The following RAB31 variants were observed in gnomAD, a reference collection of about 807,000 sequenced individuals.
RAB31 encodes the protein ras-related protein Rab-31.
Under a neutral mutation model 25.6 loss-of-function variants are expected in RAB31, and 21 were observed. That is an observed-to-expected ratio of 0.82 (90% confidence interval 0.58 to 1.18). The LOEUF (loss-of-function observed/expected upper bound fraction) is 1.18. RAB31 is among the 50% of genes most tolerant of loss of function. The pLI, the probability that RAB31 is intolerant of heterozygous loss-of-function variation, is 0.00. For synonymous variants in RAB31, 87 were observed against 84.0 expected (o/e 1.04, Z -0.20); for missense variants, 196 against 250.1 (o/e 0.78, Z 1.46).
At chr18:9,852,793 A>G (rs1055080269) in intron 6 of RAB31, among the ~76,000 whole-genome samples, 18 of 152,194 alleles carry the variant, frequency 1.2e-4, no homozygotes, top group African/African-American at 3.6e-4. Context: ...TTAACTTTCT[A>G]AGATTAGAAT....
chr18:9,841,515 G>A (rs2068733766), intron 5 of RAB31, among the ~76,000 whole-genome samples: 1 of 143,948 alleles, frequency 6.9e-6, no homozygotes, highest in African/African-American at 2.6e-5. Flanking sequence ...CTCCAGCCTG[G>A]GCGATAGAGT....
Position 9,708,384 on chromosome 18 carries a change from G to C in RAB31, c.-22G>C, listed in dbSNP as rs1373200015. On this transcript the variant is annotated 5_prime_UTR_variant, in exon 1 of 7. Coordinates refer to ENST00000578921, the MANE Select transcript of RAB31 (RefSeq NM_006868.4). The surrounding 1 kb of genome is among the most constrained non-coding windows in gnomAD (Gnocchi z 6.4). ...GCCCCGGAGGATGCTGCTGAGCCCCGGCACTGCCTGGCTGCGAGCACATGA... is the reference window on the plus strand; with the variant it reads ...GCCCCGGAGGATGCTGCTGAGCCCCCGCACTGCCTGGCTGCGAGCACATGA... 2 of 1,543,762 alleles carry C rather than the reference G, an allele frequency of 1.3e-6. No individual in the cohort carries two copies. Among genetic ancestry groups the C allele is most frequent in the East Asian group, 5.4e-5 (2 of 37,212 alleles).
intron 5 of RAB31, among the ~76,000 whole-genome samples, chr18:9,816,358 T>A (rs537507160): frequency 4.7e-4 from 72 of 152,358 alleles, no homozygotes; most frequent in African/African-American, 1.6e-3. Flanking sequence ...CACAGTTACA[T>A]CCCTGACTCT....
At chr18:9,748,965 G>A (rs2068220319) in intron 1 of RAB31, among the ~76,000 whole-genome samples, 1 of 152,144 alleles carries the variant, frequency 6.6e-6, no homozygotes, top group South Asian at 2.1e-4. Flanking sequence ...GAAAGGTACA[G>A]ACTGGAAAGT....
At chr18:9,753,715 G>A (rs1328615838) in intron 1 of RAB31, among the ~76,000 whole-genome samples, 1 of 152,156 alleles carries the variant, frequency 6.6e-6, no homozygotes, top group African/African-American at 2.4e-5. Context: ...ATGAAGGCAT[G>A]GGAATTGGCT....
chr18:9,844,912 G>A (rs1030518908), intron 5 of RAB31: 6 of 152,288 alleles, frequency 3.9e-5, no homozygotes, highest in Admixed American at 3.3e-4. Flanking sequence ...CACCCAGGCT[G>A]GAGTGCAGTG....
chr18:9,813,322 T>C (rs1180640126), intron 3 of RAB31, among the ~76,000 whole-genome samples: 1 of 152,204 alleles, frequency 6.6e-6, no homozygotes, highest in Non-Finnish European at 1.5e-5. Flanking sequence ...TTTGCCAGTG[T>C]TCCCTTTCCC....
chr18:9,794,845 A>G (rs530017850), intron 3 of RAB31, among the ~76,000 whole-genome samples: 30 of 152,062 alleles, frequency 2.0e-4, no homozygotes, highest in African/African-American at 7.2e-4. Flanking sequence ...AACAAAAAAC[A>G]AAAAAAGCAA....
chr18:9,825,651 G>C (rs2068646244), intron 5 of RAB31, among the ~76,000 whole-genome samples: 1 of 152,154 alleles, frequency 6.6e-6, no homozygotes, highest in African/African-American at 2.4e-5. Context: ...TCGTCAGTAG[G>C]AGTTTATGGT....
At chr18:9,758,772 C>T (rs1277667373) in intron 1 of RAB31, among the ~76,000 whole-genome samples, 5 of 152,024 alleles carry the variant, frequency 3.3e-5, no homozygotes, top group Non-Finnish European at 5.9e-5. Context: ...CAGCTGTGTG[C>T]GAGTGTGGCA....
intron 2 of RAB31, chr18:9,785,171 A>C (rs1395191914): frequency 2.6e-5 from 4 of 154,168 alleles, no homozygotes; most frequent in African/African-American, 4.8e-5. Context: ...ATGAGTGGGA[A>C]TGCTTGGACC....
intron 5 of RAB31, among the ~76,000 whole-genome samples, chr18:9,820,897 C>T (rs2068621802): frequency 6.6e-6 from 1 of 151,580 alleles, no homozygotes; most frequent in African/African-American, 2.4e-5. Context: ...TTTATTTATC[C>T]TCTAATTGTT....
Position 9,804,510 on chromosome 18 carries a change from A to G in RAB31, c.202-9510A>G, listed in dbSNP as rs1348469837. 5.3e-5 allele frequency among the ~76,000 whole-genome samples: 8 copies of G among 152,082 alleles called. No individual in the cohort carries two copies. The East Asian group carries it at 1.5e-3, about 29-fold the overall frequency. On this transcript the variant is annotated intron_variant, in intron 3 of 6. Transcript: ENST00000578921. ...GAGGTGGATTTGCCGAGAATCTAAG[A>G]AGCACTTCAACTAGTTTTGTTTCCT...
chr18:9,850,742 T>G (rs1440016980), intron 6 of RAB31, among the ~76,000 whole-genome samples: 1 of 152,156 alleles, frequency 6.6e-6, no homozygotes, highest in Non-Finnish European at 1.5e-5. Flanking sequence ...GGTGTGCACC[T>G]GTAGTCCCAG....
Position 9,727,888 on chromosome 18 carries a change from T to C in RAB31, c.39+19444T>C, listed in dbSNP as rs149608765. ...AAATGATTACCACAGTTAAGCTAAT[T>C]AACACATTCATTATCTCACATAGTT... On this transcript the variant is annotated intron_variant, in intron 1 of 6. Coordinates refer to ENST00000578921, the MANE Select transcript of RAB31 (RefSeq NM_006868.4). Among the ~76,000 whole-genome samples the C allele has an allele frequency of 1.4e-3, 217 of 152,340 alleles. 2 individuals are homozygous for C. Among genetic ancestry groups the C allele is most frequent in the African/African-American group, 5.0e-3 (209 of 41,580 alleles).
intron 3 of RAB31, among the ~76,000 whole-genome samples, chr18:9,800,784 C>T (rs2068510170): frequency 6.6e-6 from 1 of 152,054 alleles, no homozygotes; most frequent in Non-Finnish European, 1.5e-5. Flanking sequence ...TGACCAGCCC[C>T]CCTTTTTTTT....
chr18:9,753,995 C>G (rs16955541), intron 1 of RAB31, among the ~76,000 whole-genome samples: 70,903 of 151,902 alleles, frequency 0.47, 16,654 homozygotes, highest in South Asian at 0.52. Context: ...GAAAAACTAT[C>G]CGGTGCCAAG....
intron 2 of RAB31, 93 bp downstream of exon 2, chr18:9,775,450 A>G: frequency 6.4e-7 from 1 of 1,562,900 alleles, no homozygotes; most frequent in Non-Finnish European, 8.7e-7. Flanking sequence ...AGGCAGGGCC[A>G]CAGTTTTCAT....
intron 1 of RAB31, among the ~76,000 whole-genome samples, chr18:9,716,993 T>C (rs1396883735): frequency 1.3e-5 from 2 of 150,450 alleles, no homozygotes; most frequent in Non-Finnish European, 3.0e-5. Context: ...ATTCATGGGC[T>C]CAAGCGATCC....
Sources: gnomAD v4.1 joint callset for allele counts (sites outside exome capture counted in the v4.1 genomes callset) on GRCh38, gnomAD v4.1.1 for gene constraint, Gnocchi (gnomAD v3.1) non-coding constraint, MANE v1.5 for transcripts, NCBI Gene and HGNC (gene_info 2026-07-23, HGNC 2026-07-21) for gene names.